The following MTHFD1L variants were observed in gnomAD, a reference collection of about 807,000 sequenced individuals.
The protein encoded by MTHFD1L is monofunctional C1-tetrahydrofolate synthase, mitochondrial.
In MTHFD1L, 81 loss-of-function variants were observed where a neutral mutation model predicts 119.5. The ratio of observed to expected loss-of-function variants is 0.68; its 90% CI spans 0.57 to 0.82. MTHFD1L has a LOEUF of 0.82. MTHFD1L is among the 40% of genes least tolerant of loss of function. The probability of loss-of-function intolerance (pLI) is 0.00; values close to 1 mark genes in which losing one functional copy is unlikely to be tolerated. For synonymous variants in MTHFD1L, 430 were observed against 475.2 expected, an observed-to-expected ratio of 0.90 and a Z score of 1.24; for missense variants, 1,125 against 1,253.4, an observed-to-expected ratio of 0.90 and a Z score of 1.55.
chr6:150,885,722 C>G lies in MTHFD1L; in HGVS notation c.631C>G (p.Leu211Val). 1 of 1,612,640 alleles carries G rather than the reference C, an allele frequency of 6.2e-7. No homozygotes were observed. The highest frequency in any genetic ancestry group is 1.1e-5 in the South Asian group (1 of 90,936). The change falls in exon 6 of 28, where the codon CTT (leucine) becomes GTT (valine). Residue 211 changes from leucine (L) to valine (V), a missense_variant. Leu to Val is a conservative substitution (Grantham distance 32, BLOSUM62 1). Transcript: ENST00000367321. Reference sequence around the variant, plus strand: ...TGTTGCCAAAGCTGTAATTGAACTTCTTGAAAAATCAGGTAGGATGCTCCT... The same window carrying G: ...TGTTGCCAAAGCTGTAATTGAACTTGTTGAAAAATCAGGTAGGATGCTCCT... Reference protein sequence around the residue: ...SPVAKAVIELLEKSGVNLDGK... With the variant: ...SPVAKAVIELVEKSGVNLDGK...
intron 7 of MTHFD1L, among the ~76,000 whole-genome samples, chr6:150,901,798 A>T (rs1207118699): frequency 1.3e-5 from 2 of 152,206 alleles, no homozygotes; most frequent in Non-Finnish European, 2.9e-5. Context: ...TTAATTTTTT[A>T]AAGTAATGTT....
chr6:150,968,825 A>ATTT (rs1324442124), intron 19 of MTHFD1L, among the ~76,000 whole-genome samples: 7 of 116,478 alleles, frequency 6.0e-5, no homozygotes, highest in African/African-American at 2.3e-4. Flanking sequence ...CAGGATAATC[A>ATTT]TTTTCTTGTT....
intron 1 of MTHFD1L, among the ~76,000 whole-genome samples, chr6:150,874,557 C>T (rs1780080966): frequency 6.6e-6 from 1 of 152,184 alleles, no homozygotes; most frequent in African/African-American, 2.4e-5. Context: ...AGTGCAAGAC[C>T]CTGTCGGAGA....
At chr6:151,022,833 C>T (rs1056240873) in intron 24 of MTHFD1L, among the ~76,000 whole-genome samples, 3 of 152,272 alleles carry the variant, frequency 2.0e-5, no homozygotes, top group Admixed American at 6.5e-5. Flanking sequence ...ACTCATAAAC[C>T]TGTTTCTTCC....
intron 26 of MTHFD1L, among the ~76,000 whole-genome samples, chr6:151,048,196 A>T (rs377761759): frequency 1.3e-5 from 2 of 152,126 alleles, no homozygotes; most frequent in African/African-American, 4.8e-5. Flanking sequence ...AGGACTGGTG[A>T]TGGAGGAACG....
At chr6:150,932,810 G>GGGAC (rs149367455) in intron 11 of MTHFD1L, among the ~76,000 whole-genome samples, 1 of 131,628 alleles carries the variant, frequency 7.6e-6, no homozygotes, top group South Asian at 2.5e-4. Flanking sequence ...GAGGAAGAGA[G>GGGAC]GGAGGGAGGA....
chr6:151,008,021 A>C (rs1336281095), intron 20 of MTHFD1L, among the ~76,000 whole-genome samples: 1 of 152,176 alleles, frequency 6.6e-6, no homozygotes, highest in African/African-American at 2.4e-5. Context: ...GGTCATAAAA[A>C]TTTTTTATGT....
Position 151,034,527 on chromosome 6 carries a change from A to G in MTHFD1L, c.2621A>G (p.Gln874Arg), listed in dbSNP as rs746321906. The change falls in exon 25 of 28, where the codon CAG (glutamine) becomes CGG (arginine). Residue 874 changes from glutamine to arginine, a missense_variant. By Grantham distance (43) the Gln-to-Arg change is conservative. This residue lies in a region of MTHFD1L where 1,058 missense variants were observed against 1,151.2 expected (regional missense o/e 0.92). Transcript: ENST00000367321. ...PIVDKIRTIA[Q>R]AVYGAKDIEL... is the part of the protein sequence containing the mutation. ...GTGGACAAGATAAGGACCATTGCTC[A>G]GGCTGTCTATGGAGCCAAAGATATT... The G allele has an allele frequency of 4.3e-6, 7 of 1,611,844 alleles. No individual in the cohort carries two copies. The East Asian group carries it at 1.1e-4, about 26-fold the overall frequency.
chr6:150,961,392 C>A (rs964128500), intron 18 of MTHFD1L, among the ~76,000 whole-genome samples: 7 of 152,220 alleles, frequency 4.6e-5, no homozygotes, highest in African/African-American at 1.7e-4. Context: ...CCACACCTGG[C>A]CTTTTCCAGT....
chr6:150,889,132 G>A (rs915910345), intron 7 of MTHFD1L, among the ~76,000 whole-genome samples: 8 of 151,402 alleles, frequency 5.3e-5, no homozygotes, highest in Admixed American at 6.6e-5. Flanking sequence ...AGCCGCGATC[G>A]TGCCACTGCA....
chr6:150,940,029 C>T (rs1471080119), intron 13 of MTHFD1L, among the ~76,000 whole-genome samples: 10 of 152,214 alleles, frequency 6.6e-5, no homozygotes, highest in Non-Finnish European at 1.2e-4. Context: ...AGGATTTTCC[C>T]ATGCCTGGAA....
At chr6:151,074,911 G>A (rs559154117) in intron 26 of MTHFD1L, among the ~76,000 whole-genome samples, 57 of 152,126 alleles carry the variant, frequency 3.7e-4, no homozygotes, top group Middle Eastern at 3.2e-3. Context: ...GAATGTACCC[G>A]TCTTTAAGCA....
intron 20 of MTHFD1L, among the ~76,000 whole-genome samples, chr6:150,982,700 CTT>C (rs767679868): frequency 1.4e-5 from 2 of 144,536 alleles, no homozygotes; most frequent in African/African-American, 2.5e-5. Flanking sequence ...CCTGACACTT[CTT>C]TTTTTTTTTT....
intron 10 of MTHFD1L, among the ~76,000 whole-genome samples, chr6:150,924,548 C>T (rs1789592309): frequency 1.3e-5 from 2 of 152,150 alleles, no homozygotes; most frequent in South Asian, 4.1e-4. Flanking sequence ...GCAATCTCAG[C>T]TCACCTCAAC....
Position 150,994,088 on chromosome 6 carries a change from A to G in MTHFD1L, c.2126-15731A>G, listed in dbSNP as rs550724012. On this transcript the variant is annotated intron_variant, in intron 20 of 27. Coordinates refer to ENST00000367321, the MANE Select transcript of MTHFD1L (RefSeq NM_015440.5). ...GTAAAAAAAAAAAAAAAAGAAAGAA[A>G]GAAAGAAAGTGACCCAGCACTATAA... Among the ~76,000 whole-genome samples the G allele has an allele frequency of 5.0e-3, 645 of 129,032 alleles. 20 individuals carry two copies. The highest frequency in any genetic ancestry group is 0.03 in the African/African-American group (620 of 20,644). The allele number at this position is 129,032 out of a possible 152,430, so 84.7% of individuals were successfully genotyped here.
Position 150,926,329 on chromosome 6 carries a change from A to T in MTHFD1L, c.1256+34A>T. ...CCATCTAACATCTACTTGATCAAGC[A>T]GACATATTTACAAAACTCTTCCCTA... On this transcript the variant is annotated intron_variant, in intron 11 of 27. Coordinates refer to ENST00000367321, the MANE Select transcript of MTHFD1L (RefSeq NM_015440.5). The surrounding 1 kb of genome is among the most constrained non-coding windows in gnomAD (Gnocchi z 4.3). 2 of 1,577,702 alleles carry T rather than the reference A, an allele frequency of 1.3e-6. No homozygotes were observed. Among genetic ancestry groups the T allele is most frequent in the Non-Finnish European group, 1.7e-6 (2 of 1,153,140 alleles).
chr6:150,866,522 G>C, intron 1 of MTHFD1L: 4 of 1,278,166 alleles, frequency 3.1e-6, no homozygotes, highest in Non-Finnish European at 3.9e-6. Flanking sequence ...GGCGGGCTCG[G>C]GCCCAGCGCC....
chr6:151,020,644 G>A (rs549988133), intron 24 of MTHFD1L, among the ~76,000 whole-genome samples: 6 of 152,282 alleles, frequency 3.9e-5, no homozygotes, highest in African/African-American at 1.4e-4. Context: ...GTTTTATTGT[G>A]TGAAAATGAA....
chr6:151,067,357 T>C (rs1333912253), intron 26 of MTHFD1L, among the ~76,000 whole-genome samples: 2 of 152,188 alleles, frequency 1.3e-5, no homozygotes, highest in Non-Finnish European at 2.9e-5. Flanking sequence ...AGAGTCTGGC[T>C]CTGTCACCCA....
Sources: allele counts gnomAD v4.1 joint callset (sites outside exome capture counted in the v4.1 genomes callset), GRCh38; gene constraint gnomAD v4.1.1; regional missense constraint gnomAD v4.1.1; non-coding constraint Gnocchi (gnomAD v3.1); transcripts MANE v1.5; gene names NCBI Gene and HGNC (gene_info 2026-07-23, HGNC 2026-07-21).